The following MEX3C variants were observed in gnomAD, a reference collection of about 807,000 sequenced individuals.
The protein encoded by MEX3C is mex-3 RNA binding family member C, also known as RNA-binding E3 ubiquitin-protein ligase MEX3C.
MEX3C carries 15 observed loss-of-function variants against 35.5 expected under a neutral mutation model. The ratio of observed to expected loss-of-function variants is 0.42; its 90% CI spans 0.28 to 0.65. The LOEUF is 0.65. Among genes scored for constraint, MEX3C ranks in the 30% least tolerant of loss-of-function variants. MEX3C has a pLI of 0.20. For missense variants in MEX3C, 711 were observed against 842.8 expected, an observed-to-expected ratio of 0.84 and a Z score of 1.94; for synonymous variants, 390 against 352.8, an observed-to-expected ratio of 1.11 and a Z score of -1.18.
At chr18:51,189,305 G>C (rs2144555822) in intron 1 of MEX3C, among the ~76,000 whole-genome samples, 1 of 152,160 alleles carries the variant, frequency 6.6e-6, no homozygotes, top group East Asian at 1.9e-4. Flanking sequence ...ACTCTCTTTG[G>C]ACAAAAATCA....
intron 1 of MEX3C, among the ~76,000 whole-genome samples, chr18:51,180,592 C>T (rs1444846273): frequency 6.6e-6 from 1 of 152,200 alleles, no homozygotes. Context: ...ATTCTCCTGC[C>T]TCAGCCTCCC....
intron 1 of MEX3C, among the ~76,000 whole-genome samples, chr18:51,189,487 GAGA>G (rs1912608599): frequency 1.3e-5 from 2 of 152,256 alleles, no homozygotes; most frequent in South Asian, 4.1e-4. Flanking sequence ...TTTAGGAGTG[GAGA>G]AGAATTCCCT....
Position 51,175,721 on chromosome 18 carries a change from G to A in MEX3C, c.*630C>T, listed in dbSNP as rs56093302. On this transcript the variant is annotated 3_prime_UTR_variant, in exon 2 of 2. Transcript: ENST00000406189. Reference sequence around the variant, plus strand: ...CTGATCCACTGATCATACCAGCCTTGAGCACTCTGGGCGAGATGAAAGTTG... The same window carrying A: ...CTGATCCACTGATCATACCAGCCTTAAGCACTCTGGGCGAGATGAAAGTTG... 6.8e-3 allele frequency: 1,035 copies of A among 152,628 alleles called. 12 individuals are homozygous for A. Among genetic ancestry groups the A allele is most frequent in the Non-Finnish European group, 0.011 (722 of 68,042 alleles). The allele number at this position is 152,628 out of a possible 1,614,324, so 9.5% of individuals were successfully genotyped here. A position where few individuals can be genotyped will look rare whatever the true frequency, so the allele number is the denominator to read the frequency against.
intron 1 of MEX3C, among the ~76,000 whole-genome samples, chr18:51,182,238 T>A (rs1394761072): frequency 6.6e-6 from 1 of 152,220 alleles, no homozygotes; most frequent in Non-Finnish European, 1.5e-5. Flanking sequence ...TAGGGTTTGG[T>A]ACTCTGCGGT....
chr18:51,190,773 G>A (rs1010309292), intron 1 of MEX3C, among the ~76,000 whole-genome samples: 1 of 152,126 alleles, frequency 6.6e-6, no homozygotes, highest in East Asian at 1.9e-4. Context: ...GTATATCTGG[G>A]TTTGGTAATC....
intron 1 of MEX3C, among the ~76,000 whole-genome samples, chr18:51,189,989 G>C (rs1912620368): frequency 6.6e-6 from 1 of 152,168 alleles, no homozygotes; most frequent in African/African-American, 2.4e-5. Context: ...AAATTTAGCA[G>C]TAAAAATTTA....
In MEX3C at chr18:51,197,282, C is replaced by T. The variant is rs1912837574; in HGVS notation, c.39G>A (p.Ala13=). 8 of 781,752 alleles carry T rather than the reference C, an allele frequency of 1.0e-5. No homozygotes were observed. Among genetic ancestry groups the T allele is most frequent in the Non-Finnish European group, 1.1e-5 (7 of 646,850 alleles). 48.4% of individuals were successfully genotyped at this position (781,752 alleles called of 1,614,324 possible). Reference sequence around the variant, plus strand: ...GCGGCTGCGGCAGGGGGGCCGGGGCCGCCGCCAGGGCCAGGGCCGCGGAGC... The same window carrying T: ...GCGGCTGCGGCAGGGGGGCCGGGGCTGCCGCCAGGGCCAGGGCCGCGGAGC... The part of the protein sequence containing the change: ...SGSSAALALA[A]APAPLPQPPP... The change falls in exon 1 of 2, where the codon GCG becomes GCA. Residue 13 remains alanine, a synonymous_variant. Coordinates refer to ENST00000406189, the MANE Select transcript of MEX3C (RefSeq NM_016626.5).
chr18:51,179,173 T>C (rs1599250511), intron 1 of MEX3C, among the ~76,000 whole-genome samples: 1 of 152,024 alleles, frequency 6.6e-6, no homozygotes, highest in East Asian at 2.0e-4. Flanking sequence ...CTGGATAATT[T>C]TTTGTATTTT....
chr18:51,184,767 G>C (rs1251777620), intron 1 of MEX3C, among the ~76,000 whole-genome samples: 1 of 151,956 alleles, frequency 6.6e-6, no homozygotes, highest in Non-Finnish European at 1.5e-5. Flanking sequence ...CTGAGGTTGG[G>C]AGGATCACCT....
At chr18:51,195,144 T>C (rs1912747706) in intron 1 of MEX3C, 1 of 152,238 alleles carries the variant, frequency 6.6e-6, no homozygotes, top group Non-Finnish European at 1.5e-5. Flanking sequence ...CTTACATGAA[T>C]GGTCAACTCA....
chr18:51,191,291 G>A (rs890700859), intron 1 of MEX3C, among the ~76,000 whole-genome samples: 1 of 152,176 alleles, frequency 6.6e-6, no homozygotes, highest in Non-Finnish European at 1.5e-5. Context: ...GATGTGATAA[G>A]CATTACTTCC....
intron 1 of MEX3C, among the ~76,000 whole-genome samples, chr18:51,182,437 A>G (rs1390017341): frequency 1.3e-5 from 2 of 152,210 alleles, no homozygotes; most frequent in Non-Finnish European, 2.9e-5. Flanking sequence ...ATTCAAGGTA[A>G]TCAATGGGCA....
At chr18:51,187,398 T>C (rs190926105) in intron 1 of MEX3C, among the ~76,000 whole-genome samples, 1 of 152,314 alleles carries the variant, frequency 6.6e-6, no homozygotes, top group Non-Finnish European at 1.5e-5. Context: ...AAACTGACTA[T>C]CTGCAGGACT....
In MEX3C at chr18:51,176,728, T is replaced by C. The variant is rs1193745400; in HGVS notation, c.1603A>G (p.Arg535Gly). ...CGAGGAGTAGATGGCTGACTTCCTCTGCGCTGAGTCTTCATGTTACCAGAA... is the reference window on the plus strand; with the variant it reads ...CGAGGAGTAGATGGCTGACTTCCTCCGCGCTGAGTCTTCATGTTACCAGAA... ...DPSGNMKTQR[R>G]GSQPSTPRLS... Residue 535 changes from arginine to glycine, a missense_variant, in exon 2 of 2, where the codon AGA becomes GGA. Arg to Gly is a moderately radical substitution (Grantham distance 125, BLOSUM62 -2). Around this residue, in one of 4 missense-constraint regions of MEX3C, gnomAD observed 187 missense variants for 201.7 expected, o/e 0.93. Coordinates refer to ENST00000406189, the MANE Select transcript of MEX3C (RefSeq NM_016626.5). The C allele has an allele frequency of 6.2e-7, 1 of 1,614,046 alleles. No homozygotes were observed. Among genetic ancestry groups the C allele is most frequent in the African/African-American group, 1.3e-5 (1 of 75,052 alleles).
chr18:51,182,246 G>T (rs376890176), intron 1 of MEX3C, among the ~76,000 whole-genome samples: 1 of 152,118 alleles, frequency 6.6e-6, no homozygotes, highest in Non-Finnish European at 1.5e-5. Flanking sequence ...GGTACTCTGC[G>T]GTTTCAAGCA....
At chr18:51,183,808 T>C (rs1912478029) in intron 1 of MEX3C, among the ~76,000 whole-genome samples, 1 of 151,982 alleles carries the variant, frequency 6.6e-6, no homozygotes, top group South Asian at 2.1e-4. Context: ...CAGGACGCTG[T>C]TTCTACAAAA....
Position 51,176,521 on chromosome 18 carries a change from G to T in MEX3C, c.1810C>A (p.Arg604=), listed in dbSNP as rs759341802. 8 of 1,613,972 alleles carry T rather than the reference G, an allele frequency of 5.0e-6. 1 individual carries two copies. The highest frequency in any genetic ancestry group is 6.8e-6 in the Non-Finnish European group (8 of 1,179,886). ...STSSSPPESR[R]KHDCVICFEN... ...AAGCAAATCACACAGTCGTGCTTTC[G>T]TCTTGATTCTGGAGGTGAGCTAGAG... The change falls in exon 2 of 2, where the codon CGA becomes AGA. Residue 604 remains arginine (R), a synonymous_variant. Coordinates refer to ENST00000406189, the MANE Select transcript of MEX3C (RefSeq NM_016626.5).
chr18:51,179,263 A>G (rs1179137734), intron 1 of MEX3C, among the ~76,000 whole-genome samples: 1 of 152,128 alleles, frequency 6.6e-6, no homozygotes, highest in Non-Finnish European at 1.5e-5. Context: ...TCGGCCTCCC[A>G]AAGTGCTGGA....
rs1370566517 is a variant in MEX3C at position 51,177,047 on chromosome 18, G to C, written c.1284C>G (p.Ser428=). 2 of 1,613,982 alleles carry C rather than the reference G, an allele frequency of 1.2e-6. No homozygotes were observed. The change falls in exon 2 of 2, where the codon TCC becomes TCG. Residue 428 remains serine, a synonymous_variant. Coordinates refer to ENST00000406189, the MANE Select transcript of MEX3C (RefSeq NM_016626.5). The surrounding 1 kb of genome is among the most constrained non-coding windows in gnomAD (Gnocchi z 4.2). The part of the protein sequence containing the change: ...GGTLGSAWLS[S]NPVPPSRARM... ...TTGCGCGGCTAGGAGGAACAGGATT[G>C]GAGGAGAGCCACGCAGAGCCAAGAG...
Sources: gnomAD v4.1 joint callset for allele counts (sites outside exome capture counted in the v4.1 genomes callset) on GRCh38, gnomAD v4.1.1 for gene constraint, gnomAD v4.1.1 regional missense constraint, Gnocchi (gnomAD v3.1) non-coding constraint, MANE v1.5 for transcripts, NCBI Gene and HGNC (gene_info 2026-07-23, HGNC 2026-07-21) for gene names.